Variants in LARP4 observed in about 807,000 individuals in gnomAD.
The protein encoded by LARP4 is La ribonucleoprotein 4.
Under a neutral mutation model 92.9 loss-of-function variants are expected in LARP4, and 29 were observed. The ratio of observed to expected loss-of-function variants is 0.31; its 90% CI spans 0.23 to 0.43. The LOEUF (loss-of-function observed/expected upper bound fraction) is 0.43, where lower values mean the gene tolerates loss of function less well. Among genes scored for constraint, LARP4 ranks in the 20% least tolerant of loss-of-function variants. The pLI is 1.00. For missense variants in LARP4, 732 were observed against 860.0 expected, an observed-to-expected ratio of 0.85 and a Z score of 1.86; for synonymous variants, 279 against 284.1, an observed-to-expected ratio of 0.98 and a Z score of 0.18.
At chr12:50,435,738 G>T in intron 5 of LARP4, 114 bp downstream of exon 5, 75 of 684,582 alleles carry the variant, frequency 1.1e-4, no homozygotes, top group South Asian at 6.4e-4. Flanking sequence ...CCCTTATTTT[G>T]TTGTTTTGTT....
chr12:50,435,664 A>G lies in LARP4; in HGVS notation c.535+40A>G, dbSNP rs1047889640. 4 of 1,451,360 alleles carry G rather than the reference A, an allele frequency of 2.8e-6. No homozygotes were observed. In the African/African-American group the frequency reaches 5.7e-5, roughly 21 times the overall value. 89.9% of individuals were successfully genotyped at this position (1,451,360 alleles called of 1,614,324 possible). On this transcript the variant is annotated intron_variant, in intron 5 of 15. Transcript: ENST00000398473. ...CTTTTAGCTTTTTTTTTAATTTTTA[A>G]ACGTAAAATGTTATTTCGACTTCTG...
At chr12:50,459,903 C>T (rs551933284) in intron 10 of LARP4, among the ~76,000 whole-genome samples, 1 of 150,572 alleles carries the variant, frequency 6.6e-6, no homozygotes, top group Non-Finnish European at 1.5e-5. Context: ...CTTTGGGAGG[C>T]CAAGGTGGGC....
intron 1 of LARP4, among the ~76,000 whole-genome samples, chr12:50,404,509 T>C (rs1944427677): frequency 6.6e-6 from 1 of 152,076 alleles, no homozygotes. Context: ...GAGCCGTGAT[T>C]GTGCCACTGC....
At chr12:50,468,712 C>T (rs748160909) in intron 13 of LARP4, among the ~76,000 whole-genome samples, 7 of 152,142 alleles carry the variant, frequency 4.6e-5, no homozygotes, top group Non-Finnish European at 8.8e-5. Context: ...TCACACTTTT[C>T]CTATCCTCCT....
At chr12:50,432,982 G>A (rs1433322110) in intron 4 of LARP4, among the ~76,000 whole-genome samples, 1 of 151,676 alleles carries the variant, frequency 6.6e-6, no homozygotes, top group Non-Finnish European at 1.5e-5. Context: ...TTTTCAGCCT[G>A]ACTCTCAATC....
intron 13 of LARP4, among the ~76,000 whole-genome samples, chr12:50,467,601 C>G (rs1212788702): frequency 6.6e-6 from 1 of 152,154 alleles, no homozygotes. Flanking sequence ...CCACGCCCAG[C>G]CTTGCATGTC....
chr12:50,404,584 AT>A (rs1269648893), intron 1 of LARP4, among the ~76,000 whole-genome samples: 1 of 147,666 alleles, frequency 6.8e-6, no homozygotes, highest in African/African-American at 2.5e-5. Context: ...GGTTTGTTTT[AT>A]TTTTTTCCTC....
chr12:50,412,583 C>T lies in LARP4; in HGVS notation c.18+11555C>T, dbSNP rs181418193. ...TTAGGACAGGAGGATACCATTTTCA[C>T]AAGAATTTGATGGTTCTCTTTTTCC... On this transcript the variant is annotated intron_variant, in intron 1 of 15. Transcript: ENST00000398473. The T allele has an allele frequency of 4.1e-3, 749 of 183,134 alleles. 4 individuals are homozygous for T. Among genetic ancestry groups the T allele is most frequent in the Non-Finnish European group, 5.8e-3 (558 of 96,324 alleles). 11.3% of individuals were successfully genotyped at this position (183,134 alleles called of 1,614,324 possible).
rs1306532071 is a variant in LARP4 at position 50,474,135 on chromosome 12, A to T, written c.1804A>T (p.Asn602Tyr). The change falls in exon 15 of 16, where the codon AAC becomes TAC. Residue 602 changes from asparagine to tyrosine, a missense_variant. Physicochemically the swap from Asn to Tyr is moderately radical, Grantham distance 143 (BLOSUM62 -2). This residue lies in a region of LARP4 where 97 missense variants were observed against 85.9 expected (regional missense o/e 1.13). Coordinates refer to ENST00000398473, the MANE Select transcript of LARP4 (RefSeq NM_052879.5). Reference protein sequence around the residue: ...RASTASPCNNNINAATAVALQ... With the variant: ...RASTASPCNNYINAATAVALQ... ...AAGTACTGCTTCACCATGTAATAATAACATAAATGCAGCTACAGCTGTGGC... is the reference window on the plus strand; with the variant it reads ...AAGTACTGCTTCACCATGTAATAATTACATAAATGCAGCTACAGCTGTGGC... 1.2e-6 allele frequency: 2 copies of T among 1,613,556 alleles called. No homozygotes were observed. Among genetic ancestry groups the T allele is most frequent in the Non-Finnish European group, 8.5e-7 (1 of 1,179,850 alleles).
intron 1 of LARP4, among the ~76,000 whole-genome samples, chr12:50,416,127 TG>T (rs1157641286): frequency 6.6e-6 from 1 of 152,190 alleles, no homozygotes; most frequent in Non-Finnish European, 1.5e-5. Flanking sequence ...CAGTTAGGAA[TG>T]GCAGCAGGGT....
intron 1 of LARP4, among the ~76,000 whole-genome samples, chr12:50,425,351 G>C (rs1192792180): frequency 7.9e-5 from 12 of 152,080 alleles, no homozygotes; most frequent in African/African-American, 2.2e-4. Flanking sequence ...TTTGATCTCT[G>C]TTTCTGAGAG....
rs183039128 is a variant in LARP4 at position 50,476,200 on chromosome 12, A to T, written c.*336A>T. On this transcript the variant is annotated 3_prime_UTR_variant, in exon 16 of 16. Coordinates refer to ENST00000398473, the MANE Select transcript of LARP4 (RefSeq NM_052879.5). ...TGAGGGTTCAGATTTAGCTTGGAAGAAAAAAAAGAAACATACATCCTTCAG... is the reference window on the plus strand; with the variant it reads ...TGAGGGTTCAGATTTAGCTTGGAAGTAAAAAAAGAAACATACATCCTTCAG... 1 of 153,382 alleles carries T rather than the reference A, an allele frequency of 6.5e-6. No individual in the cohort carries two copies. The highest frequency in any genetic ancestry group is 2.4e-5 in the African/African-American group (1 of 41,432). The allele number at this position is 153,382 out of a possible 1,614,324, so 9.5% of individuals were successfully genotyped here.
intron 6 of LARP4, among the ~76,000 whole-genome samples, chr12:50,438,063 G>A (rs1950686862): frequency 6.6e-6 from 1 of 152,216 alleles, no homozygotes; most frequent in African/African-American, 2.4e-5. Flanking sequence ...TATTTTCTTA[G>A]AAGGGTAGAC....
At position 50,476,697 on chromosome 12, in the gene LARP4, C is replaced by T. The variant is rs957981120; in HGVS notation, c.*833C>T. 2.6e-4 allele frequency: 40 copies of T among 152,442 alleles called. No individual in the cohort carries two copies. The highest frequency in any genetic ancestry group is 7.5e-4 in the African/African-American group (31 of 41,384). 9.4% of individuals were successfully genotyped at this position (152,442 alleles called of 1,614,324 possible). On this transcript the variant is annotated 3_prime_UTR_variant, in exon 16 of 16. Coordinates refer to ENST00000398473, the MANE Select transcript of LARP4 (RefSeq NM_052879.5). ...ACTTCCCTGTGATTCCCCCGAATACCCCCAAAATGAGAAACAAAATTTTTT... is the reference window on the plus strand; with the variant it reads ...ACTTCCCTGTGATTCCCCCGAATACTCCCAAAATGAGAAACAAAATTTTTT...
intron 1 of LARP4, among the ~76,000 whole-genome samples, chr12:50,410,526 C>T (rs1945685129): frequency 6.6e-6 from 1 of 151,936 alleles, no homozygotes; most frequent in Non-Finnish European, 1.5e-5. Context: ...CTGCCTCAGC[C>T]TCCCAAGTAG....
intron 4 of LARP4, among the ~76,000 whole-genome samples, chr12:50,432,967 C>T (rs1295847361): frequency 6.6e-6 from 1 of 151,620 alleles, no homozygotes; most frequent in Non-Finnish European, 1.5e-5. Flanking sequence ...ATAGATTTTA[C>T]TGTCTTTTCA....
intron 1 of LARP4, among the ~76,000 whole-genome samples, chr12:50,406,754 T>C (rs1944912065): frequency 6.6e-6 from 1 of 152,198 alleles, no homozygotes. Context: ...TCTTGCTCTG[T>C]TGCCCAGGCT....
rs138759901 is a variant in LARP4 at position 50,408,290 on chromosome 12, C to T, written c.18+7262C>T. On this transcript the variant is annotated intron_variant, in intron 1 of 15. Coordinates refer to ENST00000398473, the MANE Select transcript of LARP4 (RefSeq NM_052879.5). ...TCAGCTCACTGCAACCTCCGCCTCC[C>T]GGGTTCAAGTGATTCTCTTACCTCA... Among the ~76,000 whole-genome samples, 1,293 of 150,588 alleles carry T rather than the reference C, an allele frequency of 8.6e-3. 14 individuals carry two copies. The highest frequency in any genetic ancestry group is 0.03 in the African/African-American group (1,237 of 40,924).
Position 50,452,528 on chromosome 12 carries a change from A to G in LARP4, c.805-932A>G, listed in dbSNP as rs565457611. ...CTCCATACTAGTTTCCATACTGGCTATACTAATTTACCTTCCCAGCAACAG... is the reference window on the plus strand; with the variant it reads ...CTCCATACTAGTTTCCATACTGGCTGTACTAATTTACCTTCCCAGCAACAG... On this transcript the variant is annotated intron_variant, in intron 8 of 15. Transcript: ENST00000398473. Among the ~76,000 whole-genome samples the G allele has an allele frequency of 2.0e-5, 3 of 152,278 alleles. No homozygotes were observed. In the South Asian group the frequency reaches 6.2e-4, roughly 32 times the overall value.
Sources: allele counts gnomAD v4.1 joint callset (sites outside exome capture counted in the v4.1 genomes callset), GRCh38; gene constraint gnomAD v4.1.1; regional missense constraint gnomAD v4.1.1; transcripts MANE v1.5; gene names NCBI Gene and HGNC (gene_info 2026-07-23, HGNC 2026-07-21).